Variants in ALG12 observed in about 807,000 individuals in gnomAD.
ALG12 encodes ALG12 alpha-1,6-mannosyltransferase, also known as dol-P-Man:Man(7)GlcNAc(2)-PP-Dol alpha-1,6-mannosyltransferase.
A neutral mutation model predicts 46.0 loss-of-function variants in ALG12; 36 were observed. That is an observed-to-expected ratio of 0.78 (90% CI 0.60 to 1.03). The LOEUF (loss-of-function observed/expected upper bound fraction) is 1.03, where lower values mean the gene tolerates loss of function less well. ALG12 is among the 50% of genes least tolerant of loss of function. The pLI is 0.00. For synonymous variants in ALG12, 326 were observed against 291.6 expected (o/e 1.12, Z -1.20); for missense variants, 599 against 633.5 (o/e 0.95, Z 0.58).
chr22:49,913,536 G>T lies in ALG12; in HGVS notation c.163-19C>A, dbSNP rs11705497. 0.1 allele frequency: 163,201 copies of T among 1,613,914 alleles called. 8,711 individuals are homozygous for T. Among genetic ancestry groups the T allele is most frequent in the South Asian group, 0.13 (11,938 of 91,080 alleles). Reference sequence around the variant, plus strand: ...GGTCGTACTGCGAGGAGAAGGGCAGGTCAGTGCACCGGGGCCCTGCCAGCT... The same window carrying T: ...GGTCGTACTGCGAGGAGAAGGGCAGTTCAGTGCACCGGGGCCCTGCCAGCT... On this transcript the variant is annotated intron_variant, in intron 2 of 9. Transcript: ENST00000330817.
intron 5 of ALG12, 98 bp downstream of exon 5, chr22:49,909,791 CATTTT>C: frequency 6.8e-7 from 1 of 1,470,004 alleles, no homozygotes; most frequent in Non-Finnish European, 9.4e-7. Context: ...AATTTAGGGT[CATTTT>C]ATTTCATGGG....
chr22:49,888,470 T>C, the ALG12 span: 1 of 167,276 alleles, frequency 6.0e-6, no homozygotes, highest in Non-Finnish European at 1.5e-5. Flanking sequence ...TGGCTTTTTA[T>C]TTTTAGGATA....
chr22:49,897,034 C>T (rs148144580), downstream of ALG12, among the ~76,000 whole-genome samples: 18 of 152,134 alleles, frequency 1.2e-4, no homozygotes, highest in African/African-American at 2.2e-4. Context: ...CTGCCAGCCC[C>T]GGTCTTTTTT....
the ALG12 span, among the ~76,000 whole-genome samples, chr22:49,859,530 G>T: frequency 6.6e-6 from 1 of 152,104 alleles, no homozygotes; most frequent in Non-Finnish European, 1.5e-5. Flanking sequence ...GCCTGCGTCA[G>T]CTGCTTCTCC....
chr22:49,904,596 G>T, intron 7 of ALG12, 90 bp from the exon 8 acceptor site: 1 of 1,436,480 alleles, frequency 7.0e-7, no homozygotes, highest in South Asian at 1.2e-5. Context: ...ATAACCTGCT[G>T]TTCAACTTCA....
chr22:49,906,414 C>T lies in ALG12; in HGVS notation c.992+1307G>A, dbSNP rs556482192. On this transcript the variant is annotated intron_variant, in intron 7 of 9. Transcript: ENST00000330817. The surrounding 1 kb of genome is among the most constrained non-coding windows in gnomAD (Gnocchi z 4.4). Reference sequence around the variant, plus strand: ...GAGCTCCCAGGAGCCCCCACTGAGGCGCGGCTACAGCAGCCAGAGGAGCCC... The same window carrying T: ...GAGCTCCCAGGAGCCCCCACTGAGGTGCGGCTACAGCAGCCAGAGGAGCCC... Among the ~76,000 whole-genome samples, 4 of 152,202 alleles carry T rather than the reference C, an allele frequency of 2.6e-5. No individual in the cohort carries two copies. The highest frequency in any genetic ancestry group is 2.1e-4 in the South Asian group (1 of 4,820).
chr22:49,887,184 A>G, the ALG12 span: 1 of 1,599,514 alleles, frequency 6.3e-7, no homozygotes, highest in African/African-American at 1.3e-5. Flanking sequence ...ATTGAAACTC[A>G]CGACGGCACC....
At chr22:49,897,353 T>C (rs747348891), downstream of ALG12, among the ~76,000 whole-genome samples, 1 of 152,196 alleles carries the variant, frequency 6.6e-6, no homozygotes, top group African/African-American at 2.4e-5. Flanking sequence ...AGGAGCTTGA[T>C]TGCTGGATCA....
intron 1 of ALG12, 86 bp from the exon 2 acceptor site, chr22:49,913,929 T>G: frequency 1.2e-6 from 1 of 823,488 alleles, no homozygotes. Flanking sequence ...TTAGCAGAAT[T>G]CTCTGAACTA....
In ALG12 at chr22:49,901,648, G is replaced by C. The variant is rs1188720852; in HGVS notation, c.*2190C>G. Reference sequence around the variant, plus strand: ...GTGGGTATGTATGGTGTGTGCACGTGTGATCATGCATGTATGGTGTGTATG... The same window carrying C: ...GTGGGTATGTATGGTGTGTGCACGTCTGATCATGCATGTATGGTGTGTATG... On this transcript the variant is annotated 3_prime_UTR_variant, in exon 10 of 10. Transcript: ENST00000330817. 2 of 114,616 alleles carry C rather than the reference G, an allele frequency of 1.7e-5. No individual in the cohort carries two copies. The highest frequency in any genetic ancestry group is 1.6e-5 in the Non-Finnish European group (1 of 62,368). The allele number at this position is 114,616 out of a possible 1,614,324, so 7.1% of individuals were successfully genotyped here.
chr22:49,863,723 GGTGTTATA>G, the ALG12 span, among the ~76,000 whole-genome samples: 1 of 152,098 alleles, frequency 6.6e-6, no homozygotes, highest in African/African-American at 2.4e-5. Context: ...TCCACTCTCT[GGTGTTATA>G]GTTCATGGAG....
intron 5 of ALG12, 87 bp downstream of exon 5, chr22:49,909,807 G>A (rs2060564874): frequency 2.6e-6 from 4 of 1,541,814 alleles, no homozygotes; most frequent in South Asian, 2.3e-5. Flanking sequence ...ATTTCATGGG[G>A]ATGAAAACCT....
chr22:49,888,163 A>C, the ALG12 span: 1 of 167,238 alleles, frequency 6.0e-6, no homozygotes, highest in East Asian at 1.9e-4. Flanking sequence ...TGCGGCCATC[A>C]CTGGGATATT....
At chr22:49,894,478 G>A in the ALG12 span, among the ~76,000 whole-genome samples, 18 of 152,190 alleles carry the variant, frequency 1.2e-4, no homozygotes, top group Admixed American at 9.2e-4. Flanking sequence ...GAGTGAATGC[G>A]AGAGGCCAGA....
In ALG12 at chr22:49,906,894, C is replaced by G. The variant is rs554551038; in HGVS notation, c.992+827G>C. Reference sequence around the variant, plus strand: ...ACAGGGCCCGGCAGTGATGGACTCTCCTGGCTCCCTGAGGCTTGCAACACT... The same window carrying G: ...ACAGGGCCCGGCAGTGATGGACTCTGCTGGCTCCCTGAGGCTTGCAACACT... On this transcript the variant is annotated intron_variant, in intron 7 of 9. Transcript: ENST00000330817. The surrounding 1 kb of genome is among the most constrained non-coding windows in gnomAD (Gnocchi z 4.4). 1.3e-5 allele frequency among the ~76,000 whole-genome samples: 2 copies of G among 152,276 alleles called. No homozygotes were observed. Among genetic ancestry groups the G allele is most frequent in the East Asian group, 3.9e-4 (2 of 5,178 alleles).
the ALG12 span, chr22:49,884,030 A>AT: frequency 1.2e-6 from 2 of 1,606,572 alleles, no homozygotes; most frequent in Non-Finnish European, 1.7e-6. Flanking sequence ...GCCTGGAAGC[A>AT]TTTTTTTATC....
At chr22:49,899,714 A>G (rs932129064), downstream of ALG12, among the ~76,000 whole-genome samples, 7 of 152,196 alleles carry the variant, frequency 4.6e-5, no homozygotes, top group Admixed American at 2.0e-4. Flanking sequence ...TCAGTTATTC[A>G]TGGCAGGGTT....
the ALG12 span, among the ~76,000 whole-genome samples, chr22:49,882,147 G>A: frequency 6.6e-6 from 1 of 152,190 alleles, no homozygotes; most frequent in East Asian, 1.9e-4. Flanking sequence ...TCCCTGTGGG[G>A]GTGACCCATG....
the ALG12 span, chr22:49,887,386 C>G: frequency 2.1e-6 from 1 of 472,052 alleles, no homozygotes; most frequent in Non-Finnish European, 3.9e-6. Context: ...AAGACGTCCA[C>G]TAGAAATAGC....
Sources: allele counts gnomAD v4.1 joint callset (sites outside exome capture counted in the v4.1 genomes callset), GRCh38; gene constraint gnomAD v4.1.1; non-coding constraint Gnocchi (gnomAD v3.1); transcripts MANE v1.5; gene names NCBI Gene and HGNC (gene_info 2026-07-23, HGNC 2026-07-21).